GARS1: variants seen among roughly 807,000 people sequenced by gnomAD.
The protein encoded by GARS1 is glycine--tRNA ligase.
Under a neutral mutation model 86.4 loss-of-function variants are expected in GARS1, and 46 were observed. The ratio of observed to expected loss-of-function variants is 0.53; its 90% CI spans 0.42 to 0.68. The LOEUF is 0.68. Among genes scored for constraint, GARS1 ranks in the 30% least tolerant of loss-of-function variants. The pLI is 0.00. For missense variants in GARS1, 797 were observed against 915.6 expected, an observed-to-expected ratio of 0.87 and a Z score of 1.67; for synonymous variants, 342 against 329.8, an observed-to-expected ratio of 1.04 and a Z score of -0.40.
rs529193583 is a variant in GARS1 at position 30,610,828 on chromosome 7, C to T, written c.881+1098C>T. Among the ~76,000 whole-genome samples the T allele has an allele frequency of 8.5e-5, 13 of 152,256 alleles. 1 individual carries two copies. Among genetic ancestry groups the T allele is most frequent in the African/African-American group, 2.9e-4 (12 of 41,548 alleles). On this transcript the variant is annotated intron_variant, in intron 7 of 16. Coordinates refer to ENST00000389266, the MANE Select transcript of GARS1 (RefSeq NM_002047.4). ...AAGTGGATTAGTTTGGGATAATATT[C>T]TGTCACTATTAAATGTGAGAAATTT... is the stretch of plus-strand genomic sequence containing the variant.
rs864622616 is a variant in GARS1, at chr7:30,628,611, T to A, written c.1751T>A (p.Ile584Asn). 5.6e-6 allele frequency: 9 copies of A among 1,613,124 alleles called. No individual in the cohort carries two copies. The highest frequency in any genetic ancestry group is 7.6e-6 in the Non-Finnish European group (9 of 1,179,232). The change falls in exon 14 of 17, where the codon ATC (isoleucine) becomes AAC (asparagine). Residue 584 changes from isoleucine (I) to asparagine (N), a missense_variant. Ile to Asn is a moderately radical substitution (Grantham distance 149). Coordinates refer to ENST00000389266, the MANE Select transcript of GARS1 (RefSeq NM_002047.4). ...GAACCTTCCTTCGGCCTGGGTAGGATCATGTATACGGTATTTGAACATACA... is the reference window on the plus strand; with the variant it reads ...GAACCTTCCTTCGGCCTGGGTAGGAACATGTATACGGTATTTGAACATACA... ...VIEPSFGLGRIMYTVFEHTFH... is the reference protein window; with the variant it reads ...VIEPSFGLGRNMYTVFEHTFH...
intron 8 of GARS1, among the ~76,000 whole-genome samples, chr7:30,614,717 A>T (rs1313824727): frequency 6.6e-6 from 1 of 152,038 alleles, no homozygotes; most frequent in African/African-American, 2.4e-5. Context: ...TCTACTAAAA[A>T]TACAAAAAAT....
intron 12 of GARS1, among the ~76,000 whole-genome samples, chr7:30,624,541 G>T (rs1335379837): frequency 6.6e-6 from 1 of 152,048 alleles, no homozygotes; most frequent in African/African-American, 2.4e-5. Context: ...ATGTGAAATG[G>T]TGTAATATTA....
chr7:30,633,911 AC>A lies in GARS1; in HGVS notation c.*52del, dbSNP rs757557311. The A allele has an allele frequency of 5.3e-6, 6 of 1,125,522 alleles. No individual in the cohort carries two copies. The highest frequency in any genetic ancestry group is 2.1e-4 in the Middle Eastern group (1 of 4,692). 69.7% of individuals were successfully genotyped at this position (1,125,522 alleles called of 1,614,324 possible). A position where few individuals can be genotyped will look rare whatever the true frequency, so the allele number is the denominator to read the frequency against. On this transcript the variant is annotated 3_prime_UTR_variant, in exon 17 of 17. Coordinates refer to ENST00000389266, the MANE Select transcript of GARS1 (RefSeq NM_002047.4). ...CTTGCGCTAATAAAAAAAAAAAAAA[AC>A]TACTCTTATGTCCACTTTACAAAAG...
intron 13 of GARS1, among the ~76,000 whole-genome samples, chr7:30,626,819 A>G (rs942506753): frequency 1.1e-4 from 16 of 152,170 alleles, no homozygotes; most frequent in Non-Finnish European, 2.9e-5. Flanking sequence ...CGTCTCTACT[A>G]AAAATACAAA....
chr7:30,618,618 A>G lies in GARS1; in HGVS notation c.1359+1340A>G, dbSNP rs531372300. Among the ~76,000 whole-genome samples, 63 of 152,306 alleles carry G rather than the reference A, an allele frequency of 4.1e-4. No individual in the cohort carries two copies. In the South Asian group the frequency reaches 0.012, roughly 28 times the overall value. ...CACTGAACTCAAGCCTGGGTGACAGAGTGAGGCCCTGTCTCAAACAAACAG... is the reference window on the plus strand; with the variant it reads ...CACTGAACTCAAGCCTGGGTGACAGGGTGAGGCCCTGTCTCAAACAAACAG... On this transcript the variant is annotated intron_variant, in intron 10 of 16. Transcript: ENST00000389266.
At position 30,609,628 on chromosome 7, in the gene GARS1, A is replaced by C; in HGVS notation, c.779A>C (p.Asn260Thr). 4 of 1,613,236 alleles carry C rather than the reference A, an allele frequency of 2.5e-6. No individual in the cohort carries two copies. The highest frequency in any genetic ancestry group is 3.4e-6 in the Non-Finnish European group (4 of 1,179,302). Residue 260 changes from asparagine (N) to threonine (T), a missense_variant, in exon 7 of 17, where the codon AAC becomes ACC. By Grantham distance (65) the Asn-to-Thr change is moderately conservative (BLOSUM62 0). Coordinates refer to ENST00000389266, the MANE Select transcript of GARS1 (RefSeq NM_002047.4). Reference sequence around the variant, plus strand: ...CAAGAACTTGCGGATCTTTTTGTGAACTATAATGTAAAATCTCCCATTACT... The same window carrying C: ...CAAGAACTTGCGGATCTTTTTGTGACCTATAATGTAAAATCTCCCATTACT... The part of the protein sequence containing the change: ...GQQELADLFV[N>T]YNVKSPITGN...
At position 30,612,216 on chromosome 7, in the gene GARS1, C is replaced by T. The variant is rs1303447354; in HGVS notation, c.1002C>T (p.Ile334=). Residue 334 remains isoleucine (I), a synonymous_variant, in exon 8 of 17, where the codon ATC becomes ATT. Coordinates refer to ENST00000389266, the MANE Select transcript of GARS1 (RefSeq NM_002047.4). ...AQIGNSFRNE[I]SPRSGLIRVR... is the part of the protein sequence containing the mutation. The stretch of plus-strand genomic sequence containing the variant: ...TTGGAAATTCTTTTAGAAATGAGAT[C>T]TCCCCTCGATCTGGACTGATCAGAG... 1 of 1,614,008 alleles carries T rather than the reference C, an allele frequency of 6.2e-7. No homozygotes were observed. The highest frequency in any genetic ancestry group is 8.5e-7 in the Non-Finnish European group (1 of 1,179,994).
Position 30,594,892 on chromosome 7 carries a change from C to A in GARS1, c.-30C>A, listed in dbSNP as rs774307716. 9.2e-6 allele frequency: 14 copies of A among 1,525,238 alleles called. No individual in the cohort carries two copies. Among genetic ancestry groups the A allele is most frequent in the South Asian group, 1.2e-5 (1 of 83,760 alleles). 94.5% of individuals were successfully genotyped at this position (1,525,238 alleles called of 1,614,324 possible). On this transcript the variant is annotated 5_prime_UTR_variant, in exon 1 of 17. Transcript: ENST00000389266. ...CGGCGCGCGCCGCTTCCGTCGCCAC[C>A]CTCTCTGGACAGCCCAGGGCCGCAG...
At chr7:30,626,111 A>G (rs1783122076) in intron 12 of GARS1, 123 bp from the exon 13 acceptor site, 1 of 648,004 alleles carries the variant, frequency 1.5e-6, no homozygotes, top group Non-Finnish European at 2.8e-6. Context: ...ATCACTTATT[A>G]TATCTGGAGA....
At chr7:30,595,601 A>G (rs1470033626) in intron 1 of GARS1, among the ~76,000 whole-genome samples, 1 of 152,244 alleles carries the variant, frequency 6.6e-6, no homozygotes, top group Admixed American at 6.5e-5. Flanking sequence ...GATGAGCCGA[A>G]AAACTGCCGG....
intron 6 of GARS1, among the ~76,000 whole-genome samples, chr7:30,609,254 T>A (rs958664139): frequency 1.3e-5 from 2 of 152,196 alleles, no homozygotes; most frequent in African/African-American, 4.8e-5. Flanking sequence ...GTAGTAAAAT[T>A]CAGCTTTGAA....
chr7:30,613,971 G>T (rs1782833064), intron 8 of GARS1, among the ~76,000 whole-genome samples: 1 of 152,064 alleles, frequency 6.6e-6, no homozygotes, highest in African/African-American at 2.4e-5. Context: ...ATTTTATTTT[G>T]ATTGACTTAT....
intron 8 of GARS1, among the ~76,000 whole-genome samples, chr7:30,613,696 C>T (rs986600883): frequency 1.3e-5 from 2 of 152,208 alleles, no homozygotes; most frequent in Admixed American, 6.5e-5. Context: ...TGGTCATTTT[C>T]ACTTCAAAGT....
chr7:30,633,049 C>G (rs928516234), intron 16 of GARS1, among the ~76,000 whole-genome samples: 8 of 152,216 alleles, frequency 5.3e-5, no homozygotes. Context: ...ATAGGGAAAA[C>G]AGAAGCAAAA....
chr7:30,614,386 C>T (rs1026828209), intron 8 of GARS1: 2 of 152,052 alleles, frequency 1.3e-5, no homozygotes, highest in Non-Finnish European at 2.9e-5. Flanking sequence ...AGGCAGGGCC[C>T]GTAATTTATC....
chr7:30,615,987 T>C lies in GARS1; in HGVS notation c.1123T>C (p.Leu375=), dbSNP rs544280407. 8.1e-6 allele frequency: 13 copies of C among 1,614,202 alleles called. No homozygotes were observed. The highest frequency in any genetic ancestry group is 6.6e-5 in the South Asian group (6 of 91,088). The part of the protein sequence containing the change: ...FQNVADLHLY[L]YSAKAQVSGQ... ...GAATGTGGCAGACCTTCACCTTTATTTGTATTCAGCAAAAGCCCAGGTCAG... is the reference window on the plus strand; with the variant it reads ...GAATGTGGCAGACCTTCACCTTTATCTGTATTCAGCAAAAGCCCAGGTCAG... The change falls in exon 9 of 17, where the codon TTG becomes CTG. Residue 375 remains leucine, a synonymous_variant. Transcript: ENST00000389266.
At position 30,595,024 on chromosome 7, in the gene GARS1, T is replaced by C. The variant is rs760342271; in HGVS notation, c.103T>C (p.Ser35Pro). The C allele has an allele frequency of 1.7e-5, 27 of 1,577,724 alleles. 1 individual carries two copies. In the South Asian group the frequency reaches 2.7e-4, roughly 16 times the overall value. Residue 35 changes from serine (S) to proline (P), a missense_variant, in exon 1 of 17, where the codon TCC (serine) becomes CCC (proline). By Grantham distance (74) the Ser-to-Pro change is moderately conservative. Transcript: ENST00000389266. ...LARPSLLLRR[S>P]LSAASCPPIS... ...CCGACCCTCGCTCCTGCTCCGCCGG[T>C]CCCTCAGCGCGGCCTCCTGCCCCCC...
chr7:30,626,187 AG>A, intron 12 of GARS1, 46 bp from the exon 13 acceptor site: 1 of 1,174,766 alleles, frequency 8.5e-7, no homozygotes, highest in Non-Finnish European at 1.3e-6. Context: ...ATTAAGGCAC[AG>A]GGTGCCTGTT....
Sources: allele counts gnomAD v4.1 joint callset (sites outside exome capture counted in the v4.1 genomes callset), GRCh38; gene constraint gnomAD v4.1.1; transcripts MANE v1.5; gene names NCBI Gene and HGNC (gene_info 2026-07-23, HGNC 2026-07-21).